The following NDUFAF2 variants were observed in gnomAD, a reference collection of about 807,000 sequenced individuals.
NDUFAF2 encodes NADH:ubiquinone oxidoreductase complex assembly factor 2.
In NDUFAF2, 13 loss-of-function variants were observed where a neutral mutation model predicts 22.8. The ratio of observed to expected loss-of-function variants is 0.57; its 90% CI spans 0.37 to 0.91. The LOEUF is 0.91. NDUFAF2 is among the 40% of genes least tolerant of loss of function. The pLI, the probability that NDUFAF2 is intolerant of heterozygous loss-of-function variation, is 0.01. For synonymous variants in NDUFAF2, 53 were observed against 64.2 expected, an observed-to-expected ratio of 0.83 and a Z score of 0.84; for missense variants, 162 against 195.2, an observed-to-expected ratio of 0.83 and a Z score of 1.01.
chr5:61,028,769 C>T (rs4700404), intron 1 of NDUFAF2, among the ~76,000 whole-genome samples: 63,231 of 151,862 alleles, frequency 0.42, 14,030 homozygotes, highest in East Asian at 0.8. Flanking sequence ...TAAATATTAC[C>T]AGAGTACTTT....
intron 1 of NDUFAF2, among the ~76,000 whole-genome samples, chr5:61,043,988 G>A (rs936796135): frequency 5.9e-5 from 9 of 151,958 alleles, no homozygotes; most frequent in African/African-American, 1.5e-4. Context: ...GCAAGAGTTC[G>A]CTTTTCCCCA....
intron 3 of NDUFAF2, among the ~76,000 whole-genome samples, chr5:61,142,130 A>G (rs1741069140): frequency 1.3e-5 from 2 of 152,208 alleles, no homozygotes; most frequent in South Asian, 2.1e-4. Flanking sequence ...GGGTAGTTCA[A>G]TTAAATAGGA....
intron 1 of NDUFAF2, among the ~76,000 whole-genome samples, chr5:61,026,706 T>C (rs1028857100): frequency 3.3e-5 from 5 of 152,070 alleles, no homozygotes; most frequent in African/African-American, 7.2e-5. Flanking sequence ...TTTTAAAAAT[T>C]TTTTGAATGG....
chr5:61,021,304 C>T (rs1398956435), intron 1 of NDUFAF2, among the ~76,000 whole-genome samples: 5 of 151,908 alleles, frequency 3.3e-5, no homozygotes, highest in African/African-American at 4.8e-5. Context: ...CTTCTAGAGC[C>T]TACCTGCATT....
intron 1 of NDUFAF2, among the ~76,000 whole-genome samples, chr5:61,008,950 A>T (rs1403927860): frequency 6.6e-6 from 1 of 151,662 alleles, no homozygotes; most frequent in East Asian, 1.9e-4. Flanking sequence ...TATTTTCCCA[A>T]GTGTGTCTTC....
At chr5:61,098,695 G>T (rs1212299513) in intron 2 of NDUFAF2, among the ~76,000 whole-genome samples, 2 of 152,176 alleles carry the variant, frequency 1.3e-5, no homozygotes, top group African/African-American at 4.8e-5. Flanking sequence ...GAATTTAGAT[G>T]ATTAGGAGGT....
chr5:60,949,522 G>A (rs1750512089), intron 1 of NDUFAF2, among the ~76,000 whole-genome samples: 1 of 152,142 alleles, frequency 6.6e-6, no homozygotes, highest in South Asian at 2.1e-4. Context: ...TATGGGTTTC[G>A]TGTGAACATA....
chr5:61,092,345 G>A (rs1024964712), intron 2 of NDUFAF2, among the ~76,000 whole-genome samples: 66 of 152,032 alleles, frequency 4.3e-4, no homozygotes, highest in African/African-American at 1.2e-3. Context: ...CTTCCAGTCC[G>A]TGCGCATTGA....
At chr5:61,098,687 A>G (rs1752672332) in intron 2 of NDUFAF2, among the ~76,000 whole-genome samples, 1 of 152,292 alleles carries the variant, frequency 6.6e-6, no homozygotes, top group Admixed American at 6.5e-5. Context: ...ACCCAGTCGA[A>G]TTTAGATGAT....
At chr5:61,136,223 T>C (rs1740936029) in intron 3 of NDUFAF2, among the ~76,000 whole-genome samples, 1 of 151,664 alleles carries the variant, frequency 6.6e-6, no homozygotes, top group Non-Finnish European at 1.5e-5. Context: ...CTAATCTTGG[T>C]ATCTCTTTTA....
intron 2 of NDUFAF2, among the ~76,000 whole-genome samples, chr5:61,087,850 C>T (rs903613765): frequency 4.6e-5 from 7 of 152,090 alleles, no homozygotes; most frequent in Admixed American, 2.6e-4. Context: ...CTGATATGCT[C>T]ATTATGTTTG....
At chr5:60,958,496 T>C (rs1316372735) in intron 1 of NDUFAF2, among the ~76,000 whole-genome samples, 1 of 152,190 alleles carries the variant, frequency 6.6e-6, no homozygotes, top group East Asian at 1.9e-4. Context: ...TATTAGGTGC[T>C]AACTCTGATT....
At chr5:60,962,330 A>T (rs1186612446) in intron 1 of NDUFAF2, among the ~76,000 whole-genome samples, 2 of 152,148 alleles carry the variant, frequency 1.3e-5, no homozygotes, top group African/African-American at 4.8e-5. Flanking sequence ...AAGTTTTCTA[A>T]AGATTTTTAT....
At chr5:61,105,578 C>G (rs1240342495) in intron 3 of NDUFAF2, among the ~76,000 whole-genome samples, 4 of 144,248 alleles carry the variant, frequency 2.8e-5, no homozygotes, top group African/African-American at 1.1e-4. Flanking sequence ...TAAGAATGAA[C>G]TGGAGCTGTA....
intron 1 of NDUFAF2, among the ~76,000 whole-genome samples, chr5:61,046,967 C>A (rs950844073): frequency 1.5e-4 from 23 of 152,156 alleles, no homozygotes; most frequent in African/African-American, 5.3e-4. Context: ...CTGAAAGTTT[C>A]TTTGATCCTA....
At chr5:60,953,924 G>A (rs957745107) in intron 1 of NDUFAF2, among the ~76,000 whole-genome samples, 4 of 152,056 alleles carry the variant, frequency 2.6e-5, no homozygotes, top group African/African-American at 9.7e-5. Flanking sequence ...CACATACTTT[G>A]TATGTGCCCT....
intron 1 of NDUFAF2, among the ~76,000 whole-genome samples, chr5:61,067,971 A>C (rs1447014209): frequency 6.6e-6 from 1 of 152,160 alleles, no homozygotes; most frequent in Non-Finnish European, 1.5e-5. Flanking sequence ...TTTACTGTCT[A>C]TTCATATCCC....
chr5:61,111,461 G>A (rs1752839183), intron 3 of NDUFAF2, among the ~76,000 whole-genome samples: 1 of 150,674 alleles, frequency 6.6e-6, no homozygotes, highest in Admixed American at 6.6e-5. Context: ...ATTTAAAATG[G>A]GGTCTCACTC....
intron 1 of NDUFAF2, among the ~76,000 whole-genome samples, chr5:60,985,895 C>T (rs1751067926): frequency 6.6e-6 from 1 of 152,112 alleles, no homozygotes; most frequent in Non-Finnish European, 1.5e-5. Context: ...GGTGGGGACA[C>T]AGCCAAACAG....
Sources: allele counts gnomAD v4.1 joint callset (sites outside exome capture counted in the v4.1 genomes callset), GRCh38; gene constraint gnomAD v4.1.1; transcripts MANE v1.5; gene names NCBI Gene and HGNC (gene_info 2026-07-23, HGNC 2026-07-21).